Variants in PRIM2 observed in about 807,000 individuals in gnomAD.
The protein encoded by PRIM2 is DNA primase subunit 2.
In PRIM2, 39 loss-of-function variants were observed where a neutral mutation model predicts 67.3. The ratio of observed to expected loss-of-function variants is 0.58; its 90% CI spans 0.45 to 0.76. The LOEUF (loss-of-function observed/expected upper bound fraction) is 0.76, where lower values mean the gene tolerates loss of function less well. PRIM2 is among the 30% of genes least tolerant of loss of function. PRIM2 has a pLI of 0.00. For missense variants in PRIM2, 398 were observed against 598.7 expected, an observed-to-expected ratio of 0.66 and a Z score of 3.50; for synonymous variants, 143 against 198.7, an observed-to-expected ratio of 0.72 and a Z score of 2.36.
intron 5 of PRIM2, among the ~76,000 whole-genome samples, chr6:57,373,356 C>G (rs1055324458): frequency 3.1e-4 from 47 of 151,468 alleles, no homozygotes; most frequent in Non-Finnish European, 5.7e-4. Flanking sequence ...GATATTAGAC[C>G]TTTGTCAGAT....
At chr6:57,380,584 G>C (rs567480831) in intron 6 of PRIM2, among the ~76,000 whole-genome samples, 245 of 152,258 alleles carry the variant, frequency 1.6e-3, no homozygotes, top group Non-Finnish European at 2.9e-3. Context: ...AGAGGGAAGA[G>C]TTTAAATTCA....
the PRIM2 span, among the ~76,000 whole-genome samples, chr6:57,225,184 T>A: frequency 6.6e-6 from 1 of 152,238 alleles, no homozygotes; most frequent in East Asian, 1.9e-4. Flanking sequence ...GGGTTTTCAC[T>A]TCCTTTCTGT....
the PRIM2 span, among the ~76,000 whole-genome samples, chr6:57,244,629 C>T: frequency 2.0e-5 from 3 of 151,876 alleles, no homozygotes; most frequent in African/African-American, 7.3e-5. Flanking sequence ...GGCGTGGTGG[C>T]GCATGCCTGT....
chr6:57,378,051 T>TTTC (rs1235571126), intron 5 of PRIM2, among the ~76,000 whole-genome samples: 4 of 151,782 alleles, frequency 2.6e-5, no homozygotes, highest in Non-Finnish European at 5.9e-5. Context: ...CAGAAAGCTT[T>TTTC]TTCTTCTTCT....
At chr6:57,527,319 G>A (rs1268114902) in intron 8 of PRIM2, among the ~76,000 whole-genome samples, 3 of 152,154 alleles carry the variant, frequency 2.0e-5, no homozygotes, top group Non-Finnish European at 4.4e-5. Context: ...TTTTTATCTT[G>A]TGGAAAGTGA....
At chr6:57,616,703 A>G (rs1271286073) in intron 12 of PRIM2, among the ~76,000 whole-genome samples, 2 of 152,034 alleles carry the variant, frequency 1.3e-5, no homozygotes, top group African/African-American at 4.8e-5. Flanking sequence ...TGTACAATTC[A>G]GTGCATTTAG....
intron 5 of PRIM2, among the ~76,000 whole-genome samples, chr6:57,354,655 G>C (rs1581821189): frequency 6.6e-6 from 1 of 152,134 alleles, no homozygotes; most frequent in South Asian, 2.1e-4. Flanking sequence ...TTCAAAGATG[G>C]CTTTCATTAT....
At chr6:57,227,274 C>T in the PRIM2 span, among the ~76,000 whole-genome samples, 3 of 152,178 alleles carry the variant, frequency 2.0e-5, no homozygotes, top group Non-Finnish European at 2.9e-5. Flanking sequence ...CATTTGTTCA[C>T]CTCGCTTCAG....
intron 10 of PRIM2, among the ~76,000 whole-genome samples, chr6:57,539,652 GTGTGTATA>G (rs1338271946): frequency 0.035 from 2,362 of 68,042 alleles, 32 homozygotes; most frequent in African/African-American, 0.079. Context: ...GTGTGTGTGT[GTGTGTATA>G]TATATATATA....
intron 7 of PRIM2, among the ~76,000 whole-genome samples, chr6:57,465,878 T>C (rs1773170422): frequency 6.6e-6 from 1 of 152,112 alleles, no homozygotes; most frequent in Admixed American, 6.5e-5. Flanking sequence ...ACGTGCAGGT[T>C]TGTTACATAG....
chr6:57,470,284 C>T (rs1365927755), intron 7 of PRIM2, among the ~76,000 whole-genome samples: 4 of 150,890 alleles, frequency 2.7e-5, no homozygotes, highest in Non-Finnish European at 5.9e-5. Context: ...CTCCTCCTTG[C>T]GACCTTCTTT....
At chr6:57,542,572 A>T (rs1446471123) in intron 10 of PRIM2, among the ~76,000 whole-genome samples, 79 of 151,936 alleles carry the variant, frequency 5.2e-4, no homozygotes, top group Admixed American at 1.4e-3. Flanking sequence ...TGCAATGCAA[A>T]CTTTTTTTCA....
chr6:57,404,635 C>G (rs1286179060), intron 7 of PRIM2, among the ~76,000 whole-genome samples: 1 of 152,202 alleles, frequency 6.6e-6, no homozygotes, highest in East Asian at 1.9e-4. Flanking sequence ...AGAACTGTTG[C>G]AGTTGGCTGC....
At chr6:57,489,333 G>A (rs1581949193) in intron 7 of PRIM2, among the ~76,000 whole-genome samples, 1 of 152,350 alleles carries the variant, frequency 6.6e-6, no homozygotes, top group East Asian at 1.9e-4. Flanking sequence ...AGCGCAGGCA[G>A]ATCATGAGGT....
At chr6:57,379,878 C>G in intron 5 of PRIM2, 23 bp from the exon 6 acceptor site, 1 of 1,523,122 alleles carries the variant, frequency 6.6e-7, no homozygotes, top group Non-Finnish European at 8.8e-7. Flanking sequence ...ATTTTTGTAA[C>G]AGCTTAAAAT....
intron 7 of PRIM2, among the ~76,000 whole-genome samples, chr6:57,479,276 A>C (rs1466435006): frequency 6.6e-6 from 1 of 152,368 alleles, no homozygotes; most frequent in Admixed American, 6.5e-5. Flanking sequence ...TCTGAGCATT[A>C]ACTGACTTTC....
intron 5 of PRIM2, among the ~76,000 whole-genome samples, chr6:57,334,794 A>G (rs1255782430): frequency 6.6e-6 from 1 of 152,232 alleles, no homozygotes; most frequent in African/African-American, 2.4e-5. Flanking sequence ...CAGAAGCAGC[A>G]TATGCCTGTA....
At chr6:57,256,631 TACACACACACAC>T in the PRIM2 span, among the ~76,000 whole-genome samples, 383 of 141,028 alleles carry the variant, frequency 2.7e-3, 1 homozygote, top group African/African-American at 9.1e-3. Flanking sequence ...CTCTTTCTCT[TACACACACACAC>T]ACACACACAC....
chr6:57,235,947 C>T, the PRIM2 span, among the ~76,000 whole-genome samples: 1 of 152,188 alleles, frequency 6.6e-6, no homozygotes, highest in Non-Finnish European at 1.5e-5. Context: ...GGATTCTCCT[C>T]TAGAGCCTCC....
Sources: allele counts gnomAD v4.1 joint callset (sites outside exome capture counted in the v4.1 genomes callset), GRCh38; gene constraint gnomAD v4.1.1; transcripts MANE v1.5; gene names NCBI Gene and HGNC (gene_info 2026-07-23, HGNC 2026-07-21).